The following SLC4A4 variants were observed in gnomAD, a reference collection of about 807,000 sequenced individuals.
The protein encoded by SLC4A4 is solute carrier family 4 member 4.
A neutral mutation model predicts 111.5 loss-of-function variants in SLC4A4; 27 were observed. The ratio of observed to expected loss-of-function variants is 0.24; its 90% CI spans 0.18 to 0.33. The LOEUF (loss-of-function observed/expected upper bound fraction) is 0.33, where lower values mean the gene tolerates loss of function less well. Among genes scored for constraint, SLC4A4 ranks in the 10% least tolerant of loss-of-function variants. The pLI, the probability that SLC4A4 is intolerant of heterozygous loss-of-function variation, is 1.00. For synonymous variants in SLC4A4, 443 were observed against 463.4 expected, an observed-to-expected ratio of 0.96 and a Z score of 0.57; for missense variants, 909 against 1,315.5, an observed-to-expected ratio of 0.69 and a Z score of 4.78.
At chr4:71,565,402 T>C (rs935694910) in intron 24 of SLC4A4, among the ~76,000 whole-genome samples, 5 of 151,768 alleles carry the variant, frequency 3.3e-5, no homozygotes, top group Non-Finnish European at 7.4e-5. Flanking sequence ...CTCCTACCTA[T>C]TGGGGATCCC....
chr4:71,103,185 T>A (rs900407625), intron 2 of SLC4A4, among the ~76,000 whole-genome samples: 17 of 151,382 alleles, frequency 1.1e-4, no homozygotes, highest in Non-Finnish European at 1.9e-4. Flanking sequence ...GGCCATTACA[T>A]AATGGTAAAG....
chr4:71,094,181 T>TA (rs1287630702), intron 2 of SLC4A4, among the ~76,000 whole-genome samples: 2 of 152,164 alleles, frequency 1.3e-5, no homozygotes, highest in African/African-American at 2.4e-5. Flanking sequence ...CATACAGTCA[T>TA]AAAATGTAGT....
At chr4:71,131,473 C>T (rs142754140) in intron 2 of SLC4A4, among the ~76,000 whole-genome samples, 346 of 152,210 alleles carry the variant, frequency 2.3e-3, no homozygotes, top group African/African-American at 7.5e-3. Context: ...CTTTTCATCA[C>T]GACACCTGCC....
chr4:71,564,533 T>A (rs1274360228), intron 24 of SLC4A4, among the ~76,000 whole-genome samples: 2 of 151,922 alleles, frequency 1.3e-5, no homozygotes, highest in African/African-American at 4.8e-5. Context: ...CATTTTTCTC[T>A]TCTGTAATTG....
At chr4:71,189,258 C>T (rs1419648104) in intron 1 of SLC4A4, among the ~76,000 whole-genome samples, 3 of 152,152 alleles carry the variant, frequency 2.0e-5, no homozygotes, top group Non-Finnish European at 2.9e-5. Flanking sequence ...TAAAAACATA[C>T]ATTAGACACC....
At chr4:71,084,681 T>G (rs1383755936) in intron 1 of SLC4A4, among the ~76,000 whole-genome samples, 1 of 152,064 alleles carries the variant, frequency 6.6e-6, no homozygotes, top group African/African-American at 2.4e-5. Context: ...TGCGATAGTT[T>G]GCTGAGAATG....
At chr4:71,352,644 AAAAAG>A (rs1460123452) in intron 5 of SLC4A4, among the ~76,000 whole-genome samples, 1 of 152,206 alleles carries the variant, frequency 6.6e-6, no homozygotes, top group African/African-American at 2.4e-5. Flanking sequence ...CCTCATCTAT[AAAAAG>A]AAGATGAAGG....
At chr4:71,261,239 C>G (rs996931318) in intron 3 of SLC4A4, among the ~76,000 whole-genome samples, 1 of 152,174 alleles carries the variant, frequency 6.6e-6, no homozygotes, top group Non-Finnish European at 1.5e-5. Flanking sequence ...GTCTCTTGTG[C>G]TGCTCTTTTT....
In SLC4A4 at chr4:71,084,730, G is replaced by A. The variant is rs1472313285; in HGVS notation, c.-64-8000G>A. Among the ~76,000 whole-genome samples, 4 of 152,002 alleles carry A rather than the reference G, an allele frequency of 2.6e-5. 1 individual carries two copies. The highest frequency in any genetic ancestry group is 7.3e-5 in the African/African-American group (3 of 41,290). The stretch of plus-strand genomic sequence containing the variant: ...TCATCCATGTCCCTACAAAGGACAC[G>A]AACTCACCTTTTTTTATGGCTGCGT... On this transcript the variant is annotated intron_variant, in intron 1 of 26. Transcript: ENST00000649996.
At chr4:71,529,036 C>T (rs1047643734) in intron 16 of SLC4A4, among the ~76,000 whole-genome samples, 1 of 151,972 alleles carries the variant, frequency 6.6e-6, no homozygotes, top group African/African-American at 2.4e-5. Context: ...TATGGTTCTT[C>T]AGGCATGTGC....
Position 71,208,139 on chromosome 4 carries a change from T to C in SLC4A4, c.-2+20738T>C, listed in dbSNP as rs376055957. On this transcript the variant is annotated intron_variant, in intron 1 of 25. Transcript: ENST00000264485. ...CCTCCTTTGACAAATTATAATAATA[T>C]AACAATGTTGGCTGGGCGTGGTGGC... 3.3e-5 allele frequency among the ~76,000 whole-genome samples: 5 copies of C among 151,988 alleles called. No individual in the cohort carries two copies. The South Asian group carries it at 6.3e-4, about 19-fold the overall frequency.
chr4:71,470,427 CTA>C (rs1396220727), intron 13 of SLC4A4, among the ~76,000 whole-genome samples: 3 of 152,030 alleles, frequency 2.0e-5, no homozygotes, highest in Non-Finnish European at 4.4e-5. Flanking sequence ...TTCACCCTCT[CTA>C]GAGCTAAATA....
intron 6 of SLC4A4, among the ~76,000 whole-genome samples, chr4:71,385,192 T>TATA (rs1553902344): frequency 7.3e-3 from 43 of 5,886 alleles, no homozygotes; most frequent in Non-Finnish European, 0.022. Flanking sequence ...TATATATATA[T>TATA]TTTTTTTTTT....
At chr4:71,198,958 C>T (rs961602576) in intron 1 of SLC4A4, among the ~76,000 whole-genome samples, 5 of 152,192 alleles carry the variant, frequency 3.3e-5, no homozygotes, top group African/African-American at 1.2e-4. Context: ...GAGCAAATCA[C>T]TGGGTGGATT....
intron 2 of SLC4A4, among the ~76,000 whole-genome samples, chr4:71,132,515 C>T (rs1260779790): frequency 6.6e-6 from 1 of 152,138 alleles, no homozygotes; most frequent in African/African-American, 2.4e-5. Flanking sequence ...ATACTTAATG[C>T]TTTTTCCTAA....
chr4:71,539,802 G>A (rs953928019), intron 18 of SLC4A4, among the ~76,000 whole-genome samples: 13 of 151,894 alleles, frequency 8.6e-5, no homozygotes, highest in East Asian at 3.9e-4. Context: ...TTCAGCTCTC[G>A]TTTGGCCCAC....
At chr4:71,304,548 G>T (rs1358288004) in intron 3 of SLC4A4, among the ~76,000 whole-genome samples, 1 of 152,202 alleles carries the variant, frequency 6.6e-6, no homozygotes, top group African/African-American at 2.4e-5. Context: ...ATCTCGTTCA[G>T]AAGAGGCAAA....
At chr4:71,083,768 C>T (rs1290195438) in intron 1 of SLC4A4, among the ~76,000 whole-genome samples, 3 of 148,306 alleles carry the variant, frequency 2.0e-5, no homozygotes, top group Non-Finnish European at 4.5e-5. Context: ...TTTCTCTAAA[C>T]ATTTTAATCC....
At chr4:71,241,503 A>T (rs542657349) in intron 2 of SLC4A4, among the ~76,000 whole-genome samples, 6 of 152,118 alleles carry the variant, frequency 3.9e-5, no homozygotes, top group South Asian at 2.1e-4. Context: ...ATTTTTTTCT[A>T]AAAAAACTGG....
Sources: gnomAD v4.1 joint callset for allele counts (sites outside exome capture counted in the v4.1 genomes callset) on GRCh38, gnomAD v4.1.1 for gene constraint, MANE v1.5 for transcripts, NCBI Gene and HGNC (gene_info 2026-07-23, HGNC 2026-07-21) for gene names.